MDK: variants seen among roughly 807,000 people sequenced by gnomAD.
MDK encodes the protein amphiregulin-associated protein.
A neutral mutation model predicts 18.9 loss-of-function variants in MDK; 17 were observed. The ratio of observed to expected loss-of-function variants is 0.90; its 90% CI spans 0.62 to 1.35. The LOEUF (loss-of-function observed/expected upper bound fraction) is 1.35. MDK is among the 40% of genes most tolerant of loss of function. The probability of loss-of-function intolerance (pLI) is 0.00; values close to 1 mark genes in which losing one functional copy is unlikely to be tolerated. For missense variants in MDK, 180 were observed against 186.3 expected (o/e 0.97, Z 0.20); for synonymous variants, 86 against 74.3 (o/e 1.16, Z -0.81).
rs748952493 is a variant in MDK, at chr11:46,382,442, C to T, written c.225C>T (p.Asn75=). Residue 75 remains asparagine, a synonymous_variant, in exon 3 of 5, where the codon AAC becomes AAT. Transcript: ENST00000395566. ...TQRIRCRVPC[N]WKKEFGADCK... ...GCATCCGGTGCAGGGTGCCCTGCAA[C>T]TGGAAGAAGGAGTTTGGAGGTGAGG... 1.8e-5 allele frequency: 28 copies of T among 1,525,472 alleles called. No homozygotes were observed. Among genetic ancestry groups the T allele is most frequent in the Non-Finnish European group, 2.3e-5 (26 of 1,135,692 alleles). 94.5% of individuals were successfully genotyped at this position (1,525,472 alleles called of 1,614,324 possible). A position where few individuals can be genotyped will look rare whatever the true frequency, so the allele number is the denominator to read the frequency against.
chr11:46,382,192 G>GA, intron 2 of MDK, 59 bp downstream of exon 2: 2 of 1,606,094 alleles, frequency 1.2e-6, no homozygotes, highest in Middle Eastern at 1.7e-4. Flanking sequence ...CTCCACTTCT[G>GA]GGCTGGGCCG....
At chr11:46,382,800 C>CT in intron 4 of MDK, 52 bp downstream of exon 4, 4 of 1,523,082 alleles carry the variant, frequency 2.6e-6, no homozygotes, top group Non-Finnish European at 3.5e-6. Flanking sequence ...GCCCCCCCCC[C>CT]CCCCCGCCTG....
At chr11:46,381,894 G>A in intron 1 of MDK, 136 bp downstream of exon 1, 1 of 693,396 alleles carries the variant, frequency 1.4e-6, no homozygotes, top group Non-Finnish European at 2.4e-6. Context: ...CGGTGCGTCC[G>A]GGCTAGCGGC....
chr11:46,383,732 C>A lies in MDK; in HGVS notation c.*238C>A. On this transcript the variant is annotated 3_prime_UTR_variant, in exon 5 of 5. Coordinates refer to ENST00000395566, the MANE Select transcript of MDK (RefSeq NM_002391.6). ...CCCCAAAGCAATGTGAGTCCCAGAG[C>A]CCGCTTTTGTTCTTCCCCACAATTC... 1 of 648,310 alleles carries A rather than the reference C, an allele frequency of 1.5e-6. No individual in the cohort carries two copies. Among genetic ancestry groups the A allele is most frequent in the Non-Finnish European group, 2.9e-6 (1 of 349,076 alleles). The allele number at this position is 648,310 out of a possible 1,614,324, so 40.2% of individuals were successfully genotyped here.
Position 46,382,645 on chromosome 11 carries a change from A to T in MDK, c.303A>T (p.Lys101Asn). 1 of 1,613,024 alleles carries T rather than the reference A, an allele frequency of 6.2e-7. No individual in the cohort carries two copies. The highest frequency in any genetic ancestry group is 8.5e-7 in the Non-Finnish European group (1 of 1,179,890). ...CGTGTGATGGGGGCACAGGCACCAA[A>T]GTCCGCCAAGGCACCCTGAAGAAGG... ...WGACDGGTGT[K>N]VRQGTLKKAR... The change falls in exon 4 of 5, where the codon AAA becomes AAT. Residue 101 changes from lysine to asparagine, a missense_variant. Transcript: ENST00000395566.
chr11:46,383,727 CA>C lies in MDK; in HGVS notation c.*234del. The C allele has an allele frequency of 1.5e-6, 1 of 655,158 alleles. No homozygotes were observed. Among genetic ancestry groups the C allele is most frequent in the Non-Finnish European group, 2.8e-6 (1 of 353,122 alleles). The allele number at this position is 655,158 out of a possible 1,614,324, so 40.6% of individuals were successfully genotyped here. ...GCCTCCCCCAAAGCAATGTGAGTCC[CA>C]GAGCCCGCTTTTGTTCTTCCCCACA... On this transcript the variant is annotated 3_prime_UTR_variant, in exon 5 of 5. Coordinates refer to ENST00000395566, the MANE Select transcript of MDK (RefSeq NM_002391.6).
chr11:46,382,520 G>A lies in MDK; in HGVS notation c.244+59G>A. 4.5e-6 allele frequency: 7 copies of A among 1,550,200 alleles called. No individual in the cohort carries two copies. The Admixed American group carries it at 9.4e-5, about 21-fold the overall frequency. ...GGGGGCACAGCCTCGCCGAAGCCTG[G>A]GCGGACCCTTGGCGGAGGGCGGGGC... On this transcript the variant is annotated intron_variant, in intron 3 of 4. Coordinates refer to ENST00000395566, the MANE Select transcript of MDK (RefSeq NM_002391.6).
intron 4 of MDK, 96 bp from the exon 5 acceptor site, chr11:46,383,373 T>C: frequency 2.1e-6 from 2 of 955,710 alleles, no homozygotes; most frequent in East Asian, 4.9e-5. Flanking sequence ...CAGAATCTTC[T>C]CCTTCCCTGA....
At position 46,382,393 on chromosome 11, in the gene MDK, G is replaced by A. The variant is rs899387472; in HGVS notation, c.176G>A (p.Gly59Asp). The change falls in exon 3 of 5, where the codon GGC becomes GAC. Residue 59 changes from glycine (G) to aspartate (D), a missense_variant. Physicochemically the swap from Gly to Asp is moderately conservative, Grantham distance 94. Transcript: ENST00000395566. The stretch of plus-strand genomic sequence containing the variant: ...GATTGCGGCGTGGGTTTCCGCGAGG[G>A]CACCTGCGGGGCCCAGACCCAGCGC... ...SKDCGVGFRE[G>D]TCGAQTQRIR... 3.8e-6 allele frequency: 6 copies of A among 1,560,756 alleles called. No individual in the cohort carries two copies. The highest frequency in any genetic ancestry group is 5.2e-6 in the Non-Finnish European group (6 of 1,156,092).
chr11:46,382,992 A>C, intron 4 of MDK: 1 of 570,568 alleles, frequency 1.8e-6, no homozygotes. Context: ...AAACTACTCC[A>C]TTGGAGCATC....
chr11:46,382,790 G>GC (rs74916763), intron 4 of MDK, 42 bp downstream of exon 4: 10,365 of 984,606 alleles, frequency 0.011, 52 homozygotes, highest in Admixed American at 0.025. Flanking sequence ...GCGGGGGGCT[G>GC]CCCCCCCCCC....
rs74916763 is a variant in MDK, at chr11:46,382,790, GCCCCC to G, written c.406+53_406+57del. On this transcript the variant is annotated intron_variant, in intron 4 of 4. Coordinates refer to ENST00000395566, the MANE Select transcript of MDK (RefSeq NM_002391.6). ...GGGGGTGGGGCTGTCGCGGGGGGCT[GCCCCC>G]CCCCCCCCCCGCCTGTGAGGGGACA... The G allele has an allele frequency of 6.2e-4, 612 of 986,110 alleles. 1 individual carries two copies. Among genetic ancestry groups the G allele is most frequent in the African/African-American group, 1.4e-3 (48 of 33,716 alleles). 61.1% of individuals were successfully genotyped at this position (986,110 alleles called of 1,614,324 possible). A position where few individuals can be genotyped will look rare whatever the true frequency, so the allele number is the denominator to read the frequency against.
At chr11:46,382,787 G>GGGGGGGGGGGGGGGC in intron 4 of MDK, 39 bp downstream of exon 4, 3 of 1,498,500 alleles carry the variant, frequency 2.0e-6, no homozygotes, top group Admixed American at 2.1e-5. Context: ...GTCGCGGGGG[G>GGGGGGGGGGGGGGGC]CTGCCCCCCC....
Position 46,382,097 on chromosome 11 carries a change from C to T in MDK, c.40C>T (p.Leu14=). ...CTTCCTCCTCCTCACCCTCCTCGCC[C>T]TGCTGGCGCTCACCTCCGCGGTCGC... is the stretch of plus-strand genomic sequence containing the variant. The part of the protein sequence containing the change: ...RGFLLLTLLA[L]LALTSAVAKK... Residue 14 remains leucine (L), a synonymous_variant, in exon 2 of 5, where the codon CTG becomes TTG. Coordinates refer to ENST00000395566, the MANE Select transcript of MDK (RefSeq NM_002391.6). The T allele has an allele frequency of 6.2e-7, 1 of 1,611,116 alleles. No individual in the cohort carries two copies. Among genetic ancestry groups the T allele is most frequent in the South Asian group, 1.1e-5 (1 of 90,646 alleles).
intron 4 of MDK, chr11:46,383,016 A>C (rs970828442): frequency 1.9e-6 from 1 of 540,448 alleles, no homozygotes; most frequent in African/African-American, 1.9e-5. Context: ...CTTAGGACCC[A>C]GGGAGAGTGT....
At chr11:46,381,798 G>T (rs572676241) in intron 1 of MDK, 40 bp downstream of exon 1, 29 of 352,840 alleles carry the variant, frequency 8.2e-5, no homozygotes, top group Non-Finnish European at 1.2e-4. Flanking sequence ...GGCCGCGGCC[G>T]ATCTAGGGGC....
At chr11:46,382,968 A>C in intron 4 of MDK, 3 of 599,200 alleles carry the variant, frequency 5.0e-6, no homozygotes, top group East Asian at 2.9e-5. Flanking sequence ...CCTGGCCCAA[A>C]TAGGGACCAA....
chr11:46,383,359 G>C (rs1037338572), intron 4 of MDK, 110 bp from the exon 5 acceptor site: 5 of 808,324 alleles, frequency 6.2e-6, no homozygotes, highest in Non-Finnish European at 1.0e-5. Context: ...AAACCACTAG[G>C]GGGCAGAATC....
Position 46,383,601 on chromosome 11 carries a change from GTTAGCT to G in MDK, c.*111_*116del. On this transcript the variant is annotated 3_prime_UTR_variant, in exon 5 of 5. Transcript: ENST00000395566. ...ACCCACCAGTGCCTTCTGTCTGCTC[GTTAGCT>G]TTAATCAATCATGCCCTGCCTTGTC... 9.9e-7 allele frequency: 1 copy of G among 1,007,462 alleles called. No homozygotes were observed. The highest frequency in any genetic ancestry group is 1.6e-6 in the Non-Finnish European group (1 of 636,718). 62.4% of individuals were successfully genotyped at this position (1,007,462 alleles called of 1,614,324 possible). A position where few individuals can be genotyped will look rare whatever the true frequency, so the allele number is the denominator to read the frequency against.
Sources: allele counts gnomAD v4.1 joint callset, GRCh38; gene constraint gnomAD v4.1.1; transcripts MANE v1.5; gene names NCBI Gene and HGNC (gene_info 2026-07-23, HGNC 2026-07-21).